PRSS53: variants seen among roughly 807,000 people sequenced by gnomAD.
PRSS53 encodes EDTP308.
A neutral mutation model predicts 62.7 loss-of-function variants in PRSS53; 54 were observed. The ratio of observed to expected loss-of-function variants is 0.86; its 90% confidence interval spans 0.69 to 1.08. The LOEUF is 1.08. PRSS53 is among the 50% of genes least tolerant of loss of function. The pLI, the probability that PRSS53 is intolerant of heterozygous loss-of-function variation, is 0.00. For synonymous variants in PRSS53, 273 were observed against 300.0 expected, an observed-to-expected ratio of 0.91 and a Z score of 0.93; for missense variants, 688 against 728.3, an observed-to-expected ratio of 0.94 and a Z score of 0.64.
At chr16:31,086,382 C>T in exon 5 of PRSS53, 1 of 1,614,034 alleles carries the variant, frequency 6.2e-7, no homozygotes, top group Non-Finnish European at 8.5e-7. Context: ...CACATAGCAT[C>T]CCAGGCCGGG....
intron 5 of PRSS53, 74 bp downstream of exon 5, chr16:31,086,263 C>G (rs1036148334): frequency 5.7e-6 from 9 of 1,584,206 alleles, no homozygotes; most frequent in South Asian, 1.1e-5. Flanking sequence ...GTCTTTCCCC[C>G]AGTCCTGTGA....
At chr16:31,088,620 CG>C in intron 1 of PRSS53, 131 bp downstream of exon 1, 2 of 1,524,476 alleles carry the variant, frequency 1.3e-6, no homozygotes, top group Non-Finnish European at 1.8e-6. Flanking sequence ...CAGAGTCCTA[CG>C]GAGTTACATC....
chr16:31,084,879 G>C (rs2057215261), exon 8 of PRSS53: 3 of 1,547,762 alleles, frequency 1.9e-6, no homozygotes, highest in Non-Finnish European at 2.6e-6. Context: ...CTGGCTCCCA[G>C]TGTCACAGGC....
At chr16:31,086,754 C>T in exon 4 of PRSS53, 1 of 1,608,260 alleles carries the variant, frequency 6.2e-7, no homozygotes, top group Non-Finnish European at 8.5e-7. Flanking sequence ...GCAGCAGGGC[C>T]AGGTCTGAGC....
In PRSS53 at chr16:31,083,747, G is replaced by A. The variant is rs2057195480; in HGVS notation, c.*43C>T. Reference sequence around the variant, plus strand: ...GAGGACAGGGGCAGTAATGCCATTTGCCTGCCTGCATTCTCTTGTCCTGAG... The same window carrying A: ...GAGGACAGGGGCAGTAATGCCATTTACCTGCCTGCATTCTCTTGTCCTGAG... On this transcript the variant is annotated 3_prime_UTR_variant, in exon 11 of 11. Coordinates refer to ENST00000280606, the Ensembl canonical transcript of PRSS53. 10 of 1,613,982 alleles carry A rather than the reference G, an allele frequency of 6.2e-6. No homozygotes were observed. In the Middle Eastern group the frequency reaches 6.7e-4, roughly 108 times the overall value.
intron 2 of PRSS53, 39 bp from the exon 3 acceptor site, chr16:31,087,738 G>C: frequency 6.2e-7 from 1 of 1,614,154 alleles, no homozygotes; most frequent in Non-Finnish European, 8.5e-7. Flanking sequence ...GCAGATACCT[G>C]TCCTGACCTC....
exon 4 of PRSS53, chr16:31,086,789 T>C (rs746883770): frequency 6.2e-7 from 1 of 1,613,354 alleles, no homozygotes; most frequent in Non-Finnish European, 8.5e-7. Context: ...TTATAGGCCC[T>C]GGGCAACTGC....
exon 5 of PRSS53, chr16:31,086,358 A>G (rs762861159): frequency 3.0e-5 from 48 of 1,612,944 alleles, no homozygotes; most frequent in Non-Finnish European, 3.8e-5. Flanking sequence ...CCTGCACCCC[A>G]GGCTGGGGGC....
chr16:31,084,285 C>T (rs947864489), exon 10 of PRSS53: 3 of 1,613,038 alleles, frequency 1.9e-6, no homozygotes, highest in Non-Finnish European at 2.5e-6. Context: ...GCAGCCCGGC[C>T]AGGAACCATG....
chr16:31,083,658 C>T lies in PRSS53; in HGVS notation c.*132G>A, dbSNP rs1370461373. On this transcript the variant is annotated 3_prime_UTR_variant, in exon 11 of 11. Coordinates refer to ENST00000280606, the Ensembl canonical transcript of PRSS53. ...GGCACCTGTGGCCCCAGGCAGGTTC[C>T]TTCCCACAGCTGCTGGGCTTCTGGG... is the stretch of plus-strand genomic sequence containing the variant. The T allele has an allele frequency of 5.8e-6, 9 of 1,551,796 alleles. No individual in the cohort carries two copies. In the East Asian group the frequency reaches 2.1e-4, roughly 37 times the overall value.
Position 31,083,751 on chromosome 16 carries a change from G to A in PRSS53, c.*39C>T, listed in dbSNP as rs371892937. On this transcript the variant is annotated 3_prime_UTR_variant, in exon 11 of 11. Coordinates refer to ENST00000280606, the Ensembl canonical transcript of PRSS53. ...ACAGGGGCAGTAATGCCATTTGCCT[G>A]CCTGCATTCTCTTGTCCTGAGAATG... is the stretch of plus-strand genomic sequence containing the variant. The A allele has an allele frequency of 2.5e-6, 4 of 1,614,088 alleles. No individual in the cohort carries two copies. The South Asian group carries it at 4.4e-5, about 18-fold the overall frequency.
exon 10 of PRSS53, chr16:31,084,183 C>G (rs758936608): frequency 6.2e-7 from 1 of 1,608,752 alleles, no homozygotes; most frequent in South Asian, 1.1e-5. Context: ...AGTAGACCTG[C>G]CAGTCCAAAC....
chr16:31,087,297 TCA>T, intron 3 of PRSS53: 2 of 577,484 alleles, frequency 3.5e-6, no homozygotes, highest in South Asian at 2.1e-5. Flanking sequence ...GTGCCCGGCC[TCA>T]GTCTGTGACT....
At chr16:31,088,934 G>C in exon 1 of PRSS53, 1 of 1,509,860 alleles carries the variant, frequency 6.6e-7, no homozygotes, top group South Asian at 1.3e-5. Flanking sequence ...CTAGCCAGCA[G>C]TTCCTAGCTC....
At chr16:31,088,784 A>G in exon 1 of PRSS53, 18 of 1,613,824 alleles carry the variant, frequency 1.1e-5, no homozygotes, top group Middle Eastern at 1.7e-4. Flanking sequence ...CGCGATGAGC[A>G]GCACTGGGCC....
rs201523648 is a variant in PRSS53, at chr16:31,086,467, C to T, written c.533G>A (p.Arg178His). Residue 178 changes from arginine (R) to histidine (H), a missense_variant, in exon 5 of 11, where the codon CGC becomes CAC. By Grantham distance (29) the Arg-to-His change is conservative. Transcript: ENST00000280606. ...TGTGGGGCGACTGATGAGACGCAGG[C>T]GCAGATTGCGTAGGGTCCCAGGAGC... The T allele has an allele frequency of 1.7e-5, 27 of 1,613,628 alleles. No homozygotes were observed. Among genetic ancestry groups the T allele is most frequent in the African/African-American group, 1.5e-4 (11 of 75,014 alleles).
chr16:31,088,670 CAAG>C, intron 1 of PRSS53, 79 bp downstream of exon 1: 1 of 1,600,412 alleles, frequency 6.2e-7, no homozygotes, highest in Non-Finnish European at 8.5e-7. Flanking sequence ...GTCCCCCCAC[CAAG>C]AAGCAGGGAC....
exon 3 of PRSS53, chr16:31,087,678 C>G: frequency 3.1e-6 from 5 of 1,611,654 alleles, no homozygotes; most frequent in Non-Finnish European, 4.2e-6. Context: ...CTTGGGGGGG[C>G]CGGGGCCACG....
chr16:31,087,949 G>C (rs1460604365), intron 1 of PRSS53, 123 bp from the exon 2 acceptor site: 2 of 1,548,816 alleles, frequency 1.3e-6, no homozygotes, highest in African/African-American at 2.7e-5. Flanking sequence ...TACCTTACCA[G>C]CCCCTCCCAG....
Sources: gnomAD v4.1 joint callset for allele counts on GRCh38, gnomAD v4.1.1 for gene constraint, MANE v1.5 for transcripts, NCBI Gene and HGNC (gene_info 2026-07-23, HGNC 2026-07-21) for gene names.